Variants in RABGAP1L observed in about 807,000 individuals in gnomAD.
RABGAP1L encodes the protein RAB GTPase activating protein 1 like, also known as rab GTPase-activating protein 1-like.
Under a neutral mutation model 137.7 loss-of-function variants are expected in RABGAP1L, and 63 were observed. The ratio of observed to expected loss-of-function variants is 0.46; its 90% CI spans 0.37 to 0.56. The LOEUF (loss-of-function observed/expected upper bound fraction) is 0.56, where lower values mean the gene tolerates loss of function less well. Among genes scored for constraint, RABGAP1L ranks in the 20% least tolerant of loss-of-function variants. The probability of loss-of-function intolerance (pLI) is 0.00; values close to 1 mark genes in which losing one functional copy is unlikely to be tolerated. For missense variants in RABGAP1L, 1,095 were observed against 1,244.0 expected (o/e 0.88, Z 1.80); for synonymous variants, 431 against 433.7 (o/e 0.99, Z 0.08).
intron 18 of RABGAP1L, among the ~76,000 whole-genome samples, chr1:174,760,374 G>A (rs548033634): frequency 1.5e-4 from 23 of 152,194 alleles, no homozygotes; most frequent in African/African-American, 5.1e-4. Flanking sequence ...TCCCTTCTTT[G>A]TGTCCACGTG....
chr1:174,467,561 C>T (rs1325165382), intron 13 of RABGAP1L, among the ~76,000 whole-genome samples: 2 of 152,006 alleles, frequency 1.3e-5, no homozygotes. Flanking sequence ...GTAAAAGTAA[C>T]CACTAATAAA....
At chr1:174,314,508 C>G (rs556671948) in intron 11 of RABGAP1L, among the ~76,000 whole-genome samples, 1 of 152,154 alleles carries the variant, frequency 6.6e-6, no homozygotes, top group East Asian at 1.9e-4. Context: ...TATTTGTTCT[C>G]TGATCTTTAT....
At chr1:174,850,227 A>G in intron 19 of RABGAP1L, 1 of 259,086 alleles carries the variant, frequency 3.9e-6, no homozygotes, top group Non-Finnish European at 7.7e-6. Context: ...AGTGCAGGAA[A>G]CCTCCGGGGT....
rs1050113648 is a variant in RABGAP1L, at chr1:174,283,501, T to G, written c.1323+4722T>G. Among the ~76,000 whole-genome samples the G allele has an allele frequency of 4.0e-5, 6 of 151,872 alleles. 1 individual carries two copies. The highest frequency in any genetic ancestry group is 2.0e-4 in the Admixed American group (3 of 15,262). ...TGATTTTGGGAAGAGTTGCTGTTTT[T>G]TTTGTTTGTTTGTTTGTTTTTTTGA... On this transcript the variant is annotated intron_variant, in intron 10 of 25. Coordinates refer to ENST00000681986, the MANE Select transcript of RABGAP1L (RefSeq NM_001366446.1).
chr1:174,843,477 G>A (rs1278786291), intron 19 of RABGAP1L, among the ~76,000 whole-genome samples: 1 of 148,838 alleles, frequency 6.7e-6, no homozygotes, highest in Non-Finnish European at 1.5e-5. Context: ...AATATGCGGT[G>A]TTTGGTTTTT....
chr1:174,566,590 T>C (rs1410431588), intron 13 of RABGAP1L, among the ~76,000 whole-genome samples: 1 of 152,190 alleles, frequency 6.6e-6, no homozygotes, highest in Non-Finnish European at 1.5e-5. Flanking sequence ...CTTATATTCT[T>C]CATTTATAAA....
At chr1:174,906,478 AT>A (rs950994809) in intron 19 of RABGAP1L, among the ~76,000 whole-genome samples, 2 of 152,046 alleles carry the variant, frequency 1.3e-5, no homozygotes, top group African/African-American at 4.8e-5. Context: ...AAATACAAAA[AT>A]TAGCGGGGTG....
intron 3 of RABGAP1L, among the ~76,000 whole-genome samples, chr1:174,229,910 A>G (rs1670493511): frequency 6.6e-6 from 1 of 152,146 alleles, no homozygotes; most frequent in Non-Finnish European, 1.5e-5. Context: ...CTATTTCTCC[A>G]CATCCTCTCC....
chr1:174,684,263 G>C (rs1372061864), intron 15 of RABGAP1L, among the ~76,000 whole-genome samples: 1 of 152,140 alleles, frequency 6.6e-6, no homozygotes, highest in East Asian at 1.9e-4. Context: ...ACCAAGCTCT[G>C]CCAGAACTTT....
At position 174,908,836 on chromosome 1, in the gene RABGAP1L, G is replaced by A. The variant is rs573697267; in HGVS notation, c.2341-48621G>A. Among the ~76,000 whole-genome samples, 7 of 149,954 alleles carry A rather than the reference G, an allele frequency of 4.7e-5. No individual in the cohort carries two copies. The South Asian group carries it at 1.1e-3, about 23-fold the overall frequency. ...TGGGATTACAGACGTCAGCCACTGC[G>A]CCTGGCCACGAGATATTCTTGAACA... is the stretch of plus-strand genomic sequence containing the variant. On this transcript the variant is annotated intron_variant, in intron 19 of 25. Coordinates refer to ENST00000681986, the MANE Select transcript of RABGAP1L (RefSeq NM_001366446.1).
At chr1:174,349,483 A>G (rs61828637) in intron 11 of RABGAP1L, among the ~76,000 whole-genome samples, 96 of 98,934 alleles carry the variant, frequency 9.7e-4, no homozygotes, top group Admixed American at 1.2e-3. Context: ...CCTCCCAGAC[A>G]GGGCGGCTGG....
intron 13 of RABGAP1L, among the ~76,000 whole-genome samples, chr1:174,493,969 T>C (rs1660511322): frequency 6.6e-6 from 1 of 152,228 alleles, no homozygotes; most frequent in Non-Finnish European, 1.5e-5. Context: ...TAAATACTTT[T>C]TGGCAGTTGC....
At chr1:174,937,416 CTG>C (rs1162178523) in intron 19 of RABGAP1L, among the ~76,000 whole-genome samples, 1 of 149,786 alleles carries the variant, frequency 6.7e-6, no homozygotes, top group Non-Finnish European at 1.5e-5. Flanking sequence ...TCACAAGTAG[CTG>C]GGATAATAGG....
intron 10 of RABGAP1L, among the ~76,000 whole-genome samples, chr1:174,302,317 A>T (rs962308063): frequency 6.6e-6 from 1 of 152,220 alleles, no homozygotes; most frequent in Non-Finnish European, 1.5e-5. Context: ...AACAAGAAAT[A>T]ACACTTGTTA....
chr1:174,612,986 GT>G (rs2148221154), intron 13 of RABGAP1L, among the ~76,000 whole-genome samples: 1 of 151,330 alleles, frequency 6.6e-6, no homozygotes, highest in South Asian at 2.1e-4. Flanking sequence ...TATCAATTTT[GT>G]TGATCCTTTC....
chr1:174,345,300 G>A (rs1682336852), intron 11 of RABGAP1L, among the ~76,000 whole-genome samples: 2 of 152,170 alleles, frequency 1.3e-5, no homozygotes, highest in Non-Finnish European at 1.5e-5. Context: ...TAAATTTTAG[G>A]ATTGTTTTTT....
At chr1:174,799,112 T>C (rs1234203268) in intron 18 of RABGAP1L, among the ~76,000 whole-genome samples, 2 of 152,232 alleles carry the variant, frequency 1.3e-5, no homozygotes, top group African/African-American at 4.8e-5. Context: ...TATTTTTGCT[T>C]TGAGAATTTC....
chr1:174,656,115 CAT>C (rs767416848), intron 14 of RABGAP1L, among the ~76,000 whole-genome samples: 11 of 149,980 alleles, frequency 7.3e-5, no homozygotes, highest in Non-Finnish European at 1.6e-4. Context: ...TATTTATGCC[CAT>C]TTTTTTTTAT....
intron 19 of RABGAP1L, among the ~76,000 whole-genome samples, chr1:174,883,429 G>C (rs1654579285): frequency 6.6e-6 from 1 of 152,150 alleles, no homozygotes; most frequent in Non-Finnish European, 1.5e-5. Context: ...GGAGGAGTTG[G>C]GAGGACAAAA....
Sources: allele counts gnomAD v4.1 joint callset (sites outside exome capture counted in the v4.1 genomes callset), GRCh38; gene constraint gnomAD v4.1.1; transcripts MANE v1.5; gene names NCBI Gene and HGNC (gene_info 2026-07-23, HGNC 2026-07-21).